The following SGCZ variants were observed in gnomAD, a reference collection of about 807,000 sequenced individuals.
SGCZ encodes zeta-sarcoglycan.
A neutral mutation model predicts 41.3 loss-of-function variants in SGCZ; 40 were observed. The observed-to-expected ratio is 0.97, with a 90% confidence interval of 0.75 to 1.26. The LOEUF is 1.26. SGCZ is among the 50% of genes most tolerant of loss of function. The probability of loss-of-function intolerance (pLI) is 0.00; values close to 1 mark genes in which losing one functional copy is unlikely to be tolerated. For missense variants in SGCZ, 552 were observed against 369.8 expected (o/e 1.49, Z -4.04); for synonymous variants, 206 against 137.5 (o/e 1.50, Z -3.49).
At chr8:14,339,074 T>C (rs1802606681) in intron 2 of SGCZ, among the ~76,000 whole-genome samples, 1 of 151,654 alleles carries the variant, frequency 6.6e-6, no homozygotes, top group Non-Finnish European at 1.5e-5. Flanking sequence ...AGGATATTCA[T>C]GTTGACAACT....
chr8:15,208,088 A>G (rs1254219743), intron 1 of SGCZ, among the ~76,000 whole-genome samples: 1 of 152,224 alleles, frequency 6.6e-6, no homozygotes, highest in African/African-American at 2.4e-5. Flanking sequence ...GTTAAGAAAG[A>G]GTAATAAAAC....
At chr8:14,137,979 C>T (rs1803253267) in intron 5 of SGCZ, among the ~76,000 whole-genome samples, 1 of 152,204 alleles carries the variant, frequency 6.6e-6, no homozygotes. Flanking sequence ...AACAGCAGAC[C>T]TCTCAGCAGA....
intron 3 of SGCZ, among the ~76,000 whole-genome samples, chr8:14,286,111 T>C (rs1347164537): frequency 1.3e-5 from 2 of 151,900 alleles, no homozygotes. Context: ...TCAAATTGGC[T>C]TCCCATATTA....
At chr8:14,240,555 T>C (rs1798845012) in intron 3 of SGCZ, among the ~76,000 whole-genome samples, 1 of 152,138 alleles carries the variant, frequency 6.6e-6, no homozygotes, top group African/African-American at 2.4e-5. Flanking sequence ...CCAATAATCT[T>C]TTTACTTAGT....
intron 1 of SGCZ, among the ~76,000 whole-genome samples, chr8:14,829,878 C>G (rs1005241936): frequency 1.3e-5 from 2 of 152,128 alleles, no homozygotes; most frequent in African/African-American, 4.8e-5. Flanking sequence ...GTGGCGCGAT[C>G]TCGGCTCACT....
At chr8:14,264,392 G>T (rs1413266713) in intron 3 of SGCZ, among the ~76,000 whole-genome samples, 1 of 152,102 alleles carries the variant, frequency 6.6e-6, no homozygotes, top group Non-Finnish European at 1.5e-5. Context: ...TGGTTACTGT[G>T]GATGGAGCAT....
At chr8:15,109,616 A>G (rs1806969088) in intron 1 of SGCZ, among the ~76,000 whole-genome samples, 1 of 152,184 alleles carries the variant, frequency 6.6e-6, no homozygotes, top group Non-Finnish European at 1.5e-5. Context: ...AAGCAAATCT[A>G]AGTTGGTTAA....
intron 1 of SGCZ, among the ~76,000 whole-genome samples, chr8:14,723,195 A>G (rs1223348927): frequency 6.6e-6 from 1 of 152,218 alleles, no homozygotes; most frequent in Admixed American, 6.5e-5. Flanking sequence ...CTAAGTCAGC[A>G]TAATTGGAGC....
intron 1 of SGCZ, among the ~76,000 whole-genome samples, chr8:14,791,671 G>C (rs375724580): frequency 2.0e-5 from 3 of 152,160 alleles, no homozygotes; most frequent in Non-Finnish European, 4.4e-5. Flanking sequence ...CACACAAGTG[G>C]CAGCCTCTGC....
intron 2 of SGCZ, among the ~76,000 whole-genome samples, chr8:14,434,056 G>A (rs944859731): frequency 2.6e-5 from 4 of 152,156 alleles, no homozygotes; most frequent in African/African-American, 7.2e-5. Context: ...CCAATGTGTA[G>A]AAGGGTTTTT....
At chr8:14,822,797 C>A (rs868200748) in intron 1 of SGCZ, among the ~76,000 whole-genome samples, 1 of 152,054 alleles carries the variant, frequency 6.6e-6, no homozygotes, top group Admixed American at 6.6e-5. Context: ...AGACTGCTCC[C>A]TTTCATGATA....
chr8:14,287,891 G>C (rs922054472), intron 3 of SGCZ, among the ~76,000 whole-genome samples: 5 of 152,036 alleles, frequency 3.3e-5, no homozygotes, highest in Non-Finnish European at 7.4e-5. Context: ...CTAGCTTAAT[G>C]GTCTGAGAAT....
At chr8:14,194,883 T>A (rs1179936626) in intron 4 of SGCZ, among the ~76,000 whole-genome samples, 2 of 151,970 alleles carry the variant, frequency 1.3e-5, no homozygotes, top group Admixed American at 1.3e-4. Context: ...TCATAATTCA[T>A]AATGAGGAAT....
chr8:14,503,137 G>T (rs1215633156), intron 2 of SGCZ, among the ~76,000 whole-genome samples: 1 of 152,162 alleles, frequency 6.6e-6, no homozygotes, highest in African/African-American at 2.4e-5. Flanking sequence ...ATGAGTTCAT[G>T]TCCTTTGTGG....
At chr8:14,975,358 G>A (rs1801430913) in intron 1 of SGCZ, among the ~76,000 whole-genome samples, 1 of 152,148 alleles carries the variant, frequency 6.6e-6, no homozygotes, top group African/African-American at 2.4e-5. Context: ...AAGGGGAATT[G>A]TGTAGCAGCG....
At chr8:15,178,213 C>G (rs146554113) in intron 1 of SGCZ, among the ~76,000 whole-genome samples, 7 of 151,928 alleles carry the variant, frequency 4.6e-5, no homozygotes, top group African/African-American at 1.7e-4. Flanking sequence ...TTGTTTTTTT[C>G]TTTGAGAATT....
At chr8:14,890,560 T>G (rs1804973799) in intron 1 of SGCZ, among the ~76,000 whole-genome samples, 1 of 152,166 alleles carries the variant, frequency 6.6e-6, no homozygotes, top group South Asian at 2.1e-4. Flanking sequence ...TCATGAGGTT[T>G]AAGGAAAGAA....
At chr8:14,820,655 C>A (rs4538885) in intron 1 of SGCZ, among the ~76,000 whole-genome samples, 152,014 of 152,140 alleles carry the variant, frequency 1, 75,946 homozygotes, top group Non-Finnish European at 1. Context: ...TTCTAGCCAC[C>A]ATGGTGTAAA....
chr8:14,886,666 A>G (rs1476601722), intron 1 of SGCZ, among the ~76,000 whole-genome samples: 1 of 152,158 alleles, frequency 6.6e-6, no homozygotes, highest in East Asian at 1.9e-4. Context: ...ATGAGATCAG[A>G]CATATCCCAG....
Sources: allele counts gnomAD v4.1 joint callset (sites outside exome capture counted in the v4.1 genomes callset), GRCh38; gene constraint gnomAD v4.1.1; transcripts MANE v1.5; gene names NCBI Gene and HGNC (gene_info 2026-07-23, HGNC 2026-07-21).